Variants in SLC49A4 observed in about 807,000 individuals in gnomAD.
SLC49A4 encodes disrupted in renal cancer protein 2.
A neutral mutation model predicts 50.6 loss-of-function variants in SLC49A4; 36 were observed. That is an observed-to-expected ratio of 0.71 (90% CI 0.55 to 0.94). SLC49A4 has a LOEUF of 0.94. Ranked by LOEUF, SLC49A4 falls within the 40% of genes least tolerant of loss-of-function variation. SLC49A4 has a pLI of 0.00. For missense variants in SLC49A4, 503 were observed against 605.7 expected, an observed-to-expected ratio of 0.83 and a Z score of 1.78; for synonymous variants, 248 against 241.2, an observed-to-expected ratio of 1.03 and a Z score of -0.26.
chr3:122,826,848 A>G lies in SLC49A4; in HGVS notation c.486A>G (p.Val162=). ...QMLNGLAGPT[V]MNAAPFLSTT... ...TAAATGGATTGGCAGGTCCAACTGT[A>G]ATGAATGCAGCACCATTTCTCTCTA... Residue 162 remains valine (V), a synonymous_variant, in exon 3 of 9, where the codon GTA becomes GTG. Transcript: ENST00000261038. The G allele has an allele frequency of 6.2e-7, 1 of 1,614,162 alleles. No homozygotes were observed. The highest frequency in any genetic ancestry group is 8.5e-7 in the Non-Finnish European group (1 of 1,179,994).
chr3:122,809,821 T>C (rs1300837138), intron 2 of SLC49A4, among the ~76,000 whole-genome samples: 9 of 152,212 alleles, frequency 5.9e-5, no homozygotes, highest in Non-Finnish European at 2.9e-5. Flanking sequence ...ATAAATTGAA[T>C]TTTCAATCTT....
intron 2 of SLC49A4, among the ~76,000 whole-genome samples, chr3:122,826,334 A>T (rs1045219577): frequency 6.6e-5 from 10 of 152,240 alleles, no homozygotes; most frequent in Non-Finnish European, 1.5e-4. Flanking sequence ...AATGAGTGGC[A>T]GTCTAGTAGA....
At chr3:122,828,670 T>C (rs2107566171) in intron 3 of SLC49A4, among the ~76,000 whole-genome samples, 1 of 152,272 alleles carries the variant, frequency 6.6e-6, no homozygotes, top group Non-Finnish European at 1.5e-5. Flanking sequence ...ACATTTACAT[T>C]TCAAAATATG....
intron 7 of SLC49A4, among the ~76,000 whole-genome samples, chr3:122,865,690 G>C (rs926749333): frequency 1.3e-5 from 2 of 152,070 alleles, no homozygotes; most frequent in Admixed American, 1.3e-4. Flanking sequence ...ATTTTCACTT[G>C]TTCAAGTTTA....
At chr3:122,813,238 C>T (rs1936323668) in intron 2 of SLC49A4, among the ~76,000 whole-genome samples, 1 of 131,262 alleles carries the variant, frequency 7.6e-6, no homozygotes, top group African/African-American at 2.9e-5. Context: ...GAGACTCTGT[C>T]TCAAAAAAAA....
chr3:122,809,126 A>G (rs1387875309), intron 2 of SLC49A4, among the ~76,000 whole-genome samples: 1 of 152,192 alleles, frequency 6.6e-6, no homozygotes, highest in East Asian at 1.9e-4. Context: ...TTTCTTTTGG[A>G]ACAGAATTTT....
At chr3:122,845,930 C>A (rs1179700129) in intron 5 of SLC49A4, 59 bp downstream of exon 5, 9 of 1,267,048 alleles carry the variant, frequency 7.1e-6, no homozygotes, top group African/African-American at 1.5e-5. Context: ...TTTATAAATA[C>A]TGGTTACGTG....
chr3:122,866,262 G>A (rs1445734771), intron 7 of SLC49A4, among the ~76,000 whole-genome samples: 2 of 144,740 alleles, frequency 1.4e-5, no homozygotes, highest in African/African-American at 2.6e-5. Context: ...GGCTGGTCTC[G>A]AACTCCTGAG....
chr3:122,877,828 C>T (rs1937284746), intron 8 of SLC49A4, among the ~76,000 whole-genome samples: 1 of 152,122 alleles, frequency 6.6e-6, no homozygotes, highest in Non-Finnish European at 1.5e-5. Context: ...CAGGGAACAT[C>T]AGAATGAAGA....
intron 1 of SLC49A4, among the ~76,000 whole-genome samples, chr3:122,802,145 C>A (rs1936143295): frequency 6.6e-6 from 1 of 151,934 alleles, no homozygotes; most frequent in Non-Finnish European, 1.5e-5. Flanking sequence ...GACCCTATCT[C>A]TAAAAAATAA....
At chr3:122,845,639 T>A in intron 4 of SLC49A4, 124 bp from the exon 5 acceptor site, 1 of 235,490 alleles carries the variant, frequency 4.2e-6, no homozygotes, top group Non-Finnish European at 7.7e-6. Context: ...GAGTTTTTAA[T>A]GCCATTCTGC....
chr3:122,854,518 C>T (rs536709166), intron 5 of SLC49A4, among the ~76,000 whole-genome samples: 1 of 152,294 alleles, frequency 6.6e-6, no homozygotes, highest in Admixed American at 6.5e-5. Flanking sequence ...TCTTCTGTCC[C>T]CTAGGACCTT....
chr3:122,844,118 C>T (rs1352050532), intron 4 of SLC49A4, among the ~76,000 whole-genome samples: 2 of 152,174 alleles, frequency 1.3e-5, no homozygotes, highest in African/African-American at 4.8e-5. Context: ...ATAAAATAGT[C>T]TAAGCTTAAT....
chr3:122,822,872 T>C (rs1936472963), intron 2 of SLC49A4, among the ~76,000 whole-genome samples: 1 of 152,218 alleles, frequency 6.6e-6, no homozygotes, highest in Non-Finnish European at 1.5e-5. Context: ...ATGTTAGATG[T>C]TTGCACAGAG....
intron 5 of SLC49A4, among the ~76,000 whole-genome samples, chr3:122,852,196 T>C (rs1274179372): frequency 5.3e-5 from 8 of 152,126 alleles, no homozygotes; most frequent in African/African-American, 1.9e-4. Context: ...TTTGCCATGT[T>C]AGCCAGGCTG....
intron 7 of SLC49A4, among the ~76,000 whole-genome samples, chr3:122,869,808 G>A (rs1190369404): frequency 6.6e-6 from 1 of 152,146 alleles, no homozygotes; most frequent in African/African-American, 2.4e-5. Context: ...CATGAAATGA[G>A]GGCCAAGGGA....
At chr3:122,876,643 A>G (rs1483810598) in intron 8 of SLC49A4, among the ~76,000 whole-genome samples, 1 of 152,244 alleles carries the variant, frequency 6.6e-6, no homozygotes, top group Non-Finnish European at 1.5e-5. Context: ...ATAAAAGAAA[A>G]TAGGAAGTTT....
chr3:122,845,113 TC>T (rs906924786), intron 4 of SLC49A4, among the ~76,000 whole-genome samples: 1 of 152,118 alleles, frequency 6.6e-6, no homozygotes, highest in Non-Finnish European at 1.5e-5. Context: ...CTCACCCTCC[TC>T]CCACCCTGCA....
chr3:122,833,712 T>C (rs1346683501), intron 4 of SLC49A4, among the ~76,000 whole-genome samples: 3 of 152,140 alleles, frequency 2.0e-5, no homozygotes, highest in South Asian at 2.1e-4. Flanking sequence ...TCAAATATTT[T>C]ATTTTTCTTA....
Sources: allele counts gnomAD v4.1 joint callset (sites outside exome capture counted in the v4.1 genomes callset), GRCh38; gene constraint gnomAD v4.1.1; transcripts MANE v1.5; gene names NCBI Gene and HGNC (gene_info 2026-07-23, HGNC 2026-07-21).